Variants in IQSEC1 observed in about 807,000 individuals in gnomAD.
IQSEC1 encodes IQ motif and SEC7 domain-containing protein 1.
In IQSEC1, 31 loss-of-function variants were observed where a neutral mutation model predicts 91.0. The ratio of observed to expected loss-of-function variants is 0.34; its 90% CI spans 0.26 to 0.46. The LOEUF (loss-of-function observed/expected upper bound fraction) is 0.46, where lower values mean the gene tolerates loss of function less well. Among genes scored for constraint, IQSEC1 ranks in the 20% least tolerant of loss-of-function variants. The probability of loss-of-function intolerance (pLI) is 1.00; values close to 1 mark genes in which losing one functional copy is unlikely to be tolerated. For missense variants in IQSEC1, 1,388 were observed against 1,575.6 expected (o/e 0.88, Z 2.02); for synonymous variants, 699 against 662.6 (o/e 1.05, Z -0.84).
chr3:13,200,235 A>C (rs1694218441), intron 1 of IQSEC1, among the ~76,000 whole-genome samples: 1 of 149,392 alleles, frequency 6.7e-6, no homozygotes, highest in Non-Finnish European at 1.5e-5. Flanking sequence ...ACGTGCACAC[A>C]AACACACCCA....
chr3:13,030,908 C>T (rs909465887), intron 1 of IQSEC1, among the ~76,000 whole-genome samples: 2 of 152,256 alleles, frequency 1.3e-5, no homozygotes. Flanking sequence ...TCTCCACTTC[C>T]ACGCATGTTT....
chr3:13,126,526 T>A (rs1706516109), intron 2 of IQSEC1, among the ~76,000 whole-genome samples: 1 of 152,238 alleles, frequency 6.6e-6, no homozygotes, highest in South Asian at 2.1e-4. Context: ...TTCATCTGTC[T>A]CAGGTAAACA....
In IQSEC1 at chr3:12,900,650, A is replaced by G. The variant is rs1176680478; in HGVS notation, c.*333T>C. ...AGGTTGGGTTTTCATATGCATGTAC[A>G]TTAGGGCACAGGGAGCTGAGAGCTG... On this transcript the variant is annotated 3_prime_UTR_variant, in exon 14 of 14. Transcript: ENST00000613206. 4.9e-6 allele frequency: 6 copies of G among 1,223,340 alleles called. No individual in the cohort carries two copies. In the East Asian group the frequency reaches 1.2e-4, roughly 25 times the overall value. The allele number at this position is 1,223,340 out of a possible 1,614,324, so 75.8% of individuals were successfully genotyped here.
At chr3:12,928,736 G>C (rs1212687811) in intron 3 of IQSEC1, among the ~76,000 whole-genome samples, 1 of 152,210 alleles carries the variant, frequency 6.6e-6, no homozygotes, top group African/African-American at 2.4e-5. Context: ...GCATCACACA[G>C]GTCGAAGGTG....
chr3:13,273,437 A>G (rs1695621547), intron 1 of IQSEC1, among the ~76,000 whole-genome samples: 1 of 152,148 alleles, frequency 6.6e-6, no homozygotes, highest in Non-Finnish European at 1.5e-5. Flanking sequence ...CCGTTTCAAG[A>G]ACTCCCCATT....
rs1376556170 is a variant in IQSEC1 at position 13,073,158 on chromosome 3, G to A, written c.-144C>T. On this transcript the variant is annotated 5_prime_UTR_variant, in exon 1 of 14. Coordinates refer to ENST00000613206, the MANE Select transcript of IQSEC1 (RefSeq NM_001134382.3). The stretch of plus-strand genomic sequence containing the variant: ...GGCGAGTCACATTCCCGGGGGTGGC[G>A]GGCTCCTCCAGGGAGGCTGGGGCGG... 3.1e-6 allele frequency: 3 copies of A among 980,466 alleles called. No homozygotes were observed. The highest frequency in any genetic ancestry group is 4.2e-5 in the Admixed American group (2 of 47,710). 60.7% of individuals were successfully genotyped at this position (980,466 alleles called of 1,614,324 possible). A position where few individuals can be genotyped will look rare whatever the true frequency, so the allele number is the denominator to read the frequency against.
At chr3:12,976,502 G>A (rs1483030005) in intron 1 of IQSEC1, among the ~76,000 whole-genome samples, 4 of 152,190 alleles carry the variant, frequency 2.6e-5, no homozygotes, top group Admixed American at 1.3e-4. Context: ...CAGCTTCCAA[G>A]CCCCACCCTC....
chr3:13,267,293 G>A (rs1202103147), intron 1 of IQSEC1, among the ~76,000 whole-genome samples: 1 of 152,202 alleles, frequency 6.6e-6, no homozygotes, highest in African/African-American at 2.4e-5. Flanking sequence ...CCAGAACCGT[G>A]AGAAATAAAT....
At chr3:12,950,062 C>T (rs560439686) in intron 1 of IQSEC1, among the ~76,000 whole-genome samples, 241 of 152,344 alleles carry the variant, frequency 1.6e-3, no homozygotes, top group African/African-American at 5.3e-3. Flanking sequence ...CACTATGCCA[C>T]TATGCGACGG....
At chr3:13,044,930 GGGCCCTA>G (rs1576209504) in intron 1 of IQSEC1, among the ~76,000 whole-genome samples, 1 of 152,244 alleles carries the variant, frequency 6.6e-6, no homozygotes, top group East Asian at 1.9e-4. Flanking sequence ...CGGGGGCCCT[GGGCCCTA>G]GTCCTGGACC....
intron 1 of IQSEC1, among the ~76,000 whole-genome samples, chr3:13,266,976 C>A (rs963524038): frequency 2.7e-5 from 4 of 148,952 alleles, no homozygotes; most frequent in African/African-American, 1.0e-4. Flanking sequence ...ACATAAGAGG[C>A]TCCATAACCG....
chr3:13,139,913 C>G (rs1706772967), intron 2 of IQSEC1, among the ~76,000 whole-genome samples: 1 of 152,186 alleles, frequency 6.6e-6, no homozygotes. Flanking sequence ...GCACAAATTC[C>G]CAGAGGCAAA....
At chr3:13,080,629 G>A (rs571528099) in intron 2 of IQSEC1, among the ~76,000 whole-genome samples, 2 of 152,200 alleles carry the variant, frequency 1.3e-5, no homozygotes, top group South Asian at 4.1e-4. Context: ...AGCAAAAGCC[G>A]CTGCAGGGGT....
At position 12,920,500 on chromosome 3, in the gene IQSEC1, G is replaced by A. The variant is rs980708518; in HGVS notation, c.1950C>T (p.Thr650=). The part of the protein sequence containing the change: ...ILAFAIILLN[T]DMYSPNVKPE... ...GCTTGACATTGGGGCTGTACATGTC[G>A]GTGTTCAGCAGGATGATGGCGAAGG... The change falls in exon 6 of 14, where the codon ACC becomes ACT. Residue 650 remains threonine (T), a synonymous_variant. Transcript: ENST00000613206. 25 of 1,614,050 alleles carry A rather than the reference G, an allele frequency of 1.5e-5. No homozygotes were observed. Among genetic ancestry groups the A allele is most frequent in the Middle Eastern group, 3.3e-4 (2 of 6,084 alleles).
intron 2 of IQSEC1, among the ~76,000 whole-genome samples, chr3:12,938,298 G>A (rs958231627): frequency 1.3e-5 from 2 of 152,234 alleles, no homozygotes; most frequent in Non-Finnish European, 2.9e-5. Flanking sequence ...CTGTCAAGGA[G>A]AGCAGGCAGC....
At position 13,052,159 on chromosome 3, in the gene IQSEC1, C is replaced by T. The variant is rs528590930; in HGVS notation, c.23+20833G>A. 5.3e-5 allele frequency among the ~76,000 whole-genome samples: 8 copies of T among 152,292 alleles called. No homozygotes were observed. In the East Asian group the frequency reaches 1.2e-3, roughly 22 times the overall value. On this transcript the variant is annotated intron_variant, in intron 1 of 13. Coordinates refer to ENST00000613206, the MANE Select transcript of IQSEC1 (RefSeq NM_001134382.3). Reference sequence around the variant, plus strand: ...CCAGCATGATGATACAGCACAGGACCGTCTCCTCACCAGGCTCTCCGGGCA... The same window carrying T: ...CCAGCATGATGATACAGCACAGGACTGTCTCCTCACCAGGCTCTCCGGGCA...
At chr3:13,222,498 G>A (rs1248551674) in intron 1 of IQSEC1, among the ~76,000 whole-genome samples, 8 of 152,244 alleles carry the variant, frequency 5.3e-5, no homozygotes, top group Admixed American at 3.3e-4. Flanking sequence ...TGGGATTGCC[G>A]GATCATATGG....
At chr3:13,186,775 G>A (rs796918703) in intron 1 of IQSEC1, among the ~76,000 whole-genome samples, 2 of 152,232 alleles carry the variant, frequency 1.3e-5, no homozygotes, top group African/African-American at 4.8e-5. Context: ...TGCACTGGAC[G>A]GCGACCCTTT....
At chr3:13,086,337 G>A (rs1360575301) in intron 2 of IQSEC1, among the ~76,000 whole-genome samples, 1 of 152,236 alleles carries the variant, frequency 6.6e-6, no homozygotes, top group Non-Finnish European at 1.5e-5. Flanking sequence ...AGTGAGGGCT[G>A]CTTGTCACCA....
Sources: gnomAD v4.1 joint callset for allele counts (sites outside exome capture counted in the v4.1 genomes callset) on GRCh38, gnomAD v4.1.1 for gene constraint, MANE v1.5 for transcripts, NCBI Gene and HGNC (gene_info 2026-07-23, HGNC 2026-07-21) for gene names.